YWHAG: variants seen among roughly 807,000 people sequenced by gnomAD.
YWHAG encodes the protein tyrosine 3-monooxygenase/tryptophan 5-monooxygenase activation protein gamma.
In YWHAG, 1 loss-of-function variant was observed where a neutral mutation model predicts 23.3. The ratio of observed to expected loss-of-function variants is 0.04; its 90% CI spans 0.02 to 0.20. The LOEUF (loss-of-function observed/expected upper bound fraction) is 0.20. Ranked by LOEUF, YWHAG falls within the 10% of genes least tolerant of loss-of-function variation. The pLI is 1.00. For missense variants in YWHAG, 151 were observed against 338.6 expected (o/e 0.45, Z 4.35); for synonymous variants, 160 against 144.0 (o/e 1.11, Z -0.80).
chr7:76,358,555 G>A (rs577743804), intron 1 of YWHAG, among the ~76,000 whole-genome samples, 167 bp downstream of exon 1: 1 of 152,326 alleles, frequency 6.6e-6, no homozygotes, highest in East Asian at 1.9e-4. Flanking sequence ...CCGCGTCACA[G>A]CCCGGGTTCC....
At chr7:76,330,751 A>G (rs1232770485) in intron 1 of YWHAG, among the ~76,000 whole-genome samples, 1 of 152,230 alleles carries the variant, frequency 6.6e-6, no homozygotes, top group Non-Finnish European at 1.5e-5. Flanking sequence ...CATAGGATTG[A>G]GTCTGATCGC....
At chr7:76,353,771 T>A (rs1163289355) in intron 1 of YWHAG, among the ~76,000 whole-genome samples, 7 of 152,102 alleles carry the variant, frequency 4.6e-5, no homozygotes. Flanking sequence ...TTTAGCTGCA[T>A]TATAATTATA....
In YWHAG at chr7:76,329,571, G is replaced by A. The variant is rs1803511254; in HGVS notation, c.*6C>T. The A allele has an allele frequency of 1.9e-6, 3 of 1,599,348 alleles. No homozygotes were observed. Among genetic ancestry groups the A allele is most frequent in the Non-Finnish European group, 2.6e-6 (3 of 1,170,290 alleles). ...ATCCGCGTGCGCTGCCAGTTCCCCTGGGGCCTTAATTGTTGCCTTCGCCGC... is the reference window on the plus strand; with the variant it reads ...ATCCGCGTGCGCTGCCAGTTCCCCTAGGGCCTTAATTGTTGCCTTCGCCGC... On this transcript the variant is annotated 3_prime_UTR_variant, in exon 2 of 2. Transcript: ENST00000307630. This position sits in a 1 kb window ranked among gnomAD's most constrained non-coding sequence, Gnocchi z 6.1.
chr7:76,351,294 T>A (rs952160946), intron 1 of YWHAG, among the ~76,000 whole-genome samples: 1 of 152,146 alleles, frequency 6.6e-6, no homozygotes, highest in Non-Finnish European at 1.5e-5. Flanking sequence ...CCTTCCCTAC[T>A]CCCTTGTCCC....
At chr7:76,340,109 CACAT>C (rs901696202) in intron 1 of YWHAG, among the ~76,000 whole-genome samples, 3 of 151,960 alleles carry the variant, frequency 2.0e-5, no homozygotes, top group Non-Finnish European at 4.4e-5. Flanking sequence ...ACAAAACACA[CACAT>C]ACACACACAA....
intron 1 of YWHAG, among the ~76,000 whole-genome samples, chr7:76,354,968 G>GC (rs1428870216): frequency 1.3e-5 from 2 of 152,164 alleles, no homozygotes; most frequent in African/African-American, 4.8e-5. Context: ...CAGTTCAGAC[G>GC]CTTGGAAATG....
intron 1 of YWHAG, among the ~76,000 whole-genome samples, chr7:76,340,510 T>C (rs1406545783): frequency 1.3e-5 from 2 of 152,240 alleles, no homozygotes; most frequent in Admixed American, 6.5e-5. Context: ...TAAACTTTTG[T>C]GATCAGAAAT....
intron 1 of YWHAG, among the ~76,000 whole-genome samples, chr7:76,356,278 AC>A (rs1276766232): frequency 2.0e-5 from 3 of 152,196 alleles, no homozygotes; most frequent in Admixed American, 2.0e-4. Flanking sequence ...AATCCGCACA[AC>A]TTTTTCAAGT....
In YWHAG at chr7:76,327,671, C is replaced by A; in HGVS notation, c.*1906G>T. The A allele has an allele frequency of 2.2e-5, 1 of 45,658 alleles. No individual in the cohort carries two copies. The highest frequency in any genetic ancestry group is 1.3e-3 in the South Asian group (1 of 752). The allele number at this position is 45,658 out of a possible 1,614,324, so 2.8% of individuals were successfully genotyped here. A position where few individuals can be genotyped will look rare whatever the true frequency, so the allele number is the denominator to read the frequency against. ...TAGGGAAAGCCCCACCTACCCTGCC[C>A]CCCCCCCCCTCCCCCCCCAAATCGT... is the stretch of plus-strand genomic sequence containing the variant. On this transcript the variant is annotated 3_prime_UTR_variant, in exon 2 of 2. Coordinates refer to ENST00000307630, the MANE Select transcript of YWHAG (RefSeq NM_012479.4).
At chr7:76,340,032 T>G (rs1160805048) in intron 1 of YWHAG, among the ~76,000 whole-genome samples, 2 of 152,138 alleles carry the variant, frequency 1.3e-5, no homozygotes, top group African/African-American at 4.8e-5. Context: ...GACATTGCAG[T>G]GAGCCAAGAT....
rs1803843622 is a variant in YWHAG, at chr7:76,349,575, T to C, written c.87+9147A>G. ...CAGCAAGTGTTTTTGAGAATCTACA[T>C]GCCACAGCTCCAAATAATGTTGGTA... On this transcript the variant is annotated intron_variant, in intron 1 of 1. Coordinates refer to ENST00000307630, the MANE Select transcript of YWHAG (RefSeq NM_012479.4). Among the ~76,000 whole-genome samples, 3 of 152,300 alleles carry C rather than the reference T, an allele frequency of 2.0e-5. No homozygotes were observed. In the South Asian group the frequency reaches 6.2e-4, roughly 32 times the overall value.
intron 1 of YWHAG, among the ~76,000 whole-genome samples, chr7:76,355,973 CTT>C (rs1803949772): frequency 1.3e-5 from 2 of 152,314 alleles, no homozygotes; most frequent in Admixed American, 1.3e-4. Flanking sequence ...TAACATTCCT[CTT>C]TCCTTCTTTT....
chr7:76,349,171 T>C (rs1025436357), intron 1 of YWHAG, among the ~76,000 whole-genome samples: 1 of 151,688 alleles, frequency 6.6e-6, no homozygotes, highest in Non-Finnish European at 1.5e-5. Flanking sequence ...TGAAACCTCA[T>C]CTCTACTAAA....
chr7:76,358,611 G>A lies in YWHAG; in HGVS notation c.87+111C>T, dbSNP rs1315106124. 8 of 1,092,262 alleles carry A rather than the reference G, an allele frequency of 7.3e-6. No homozygotes were observed. The Admixed American group carries it at 1.3e-4, about 18-fold the overall frequency. The allele number at this position is 1,092,262 out of a possible 1,614,324, so 67.7% of individuals were successfully genotyped here. A position where few individuals can be genotyped will look rare whatever the true frequency, so the allele number is the denominator to read the frequency against. Reference sequence around the variant, plus strand: ...CCCAGCCCCCCTCAGTGAGCGAGACGGGGCGGTCAACCCGCCATCGCGACA... The same window carrying A: ...CCCAGCCCCCCTCAGTGAGCGAGACAGGGCGGTCAACCCGCCATCGCGACA... On this transcript the variant is annotated intron_variant, in intron 1 of 1. Coordinates refer to ENST00000307630, the MANE Select transcript of YWHAG (RefSeq NM_012479.4).
intron 1 of YWHAG, among the ~76,000 whole-genome samples, chr7:76,349,743 T>A (rs1438358285): frequency 2.0e-5 from 3 of 152,088 alleles, no homozygotes; most frequent in Admixed American, 2.0e-4. Context: ...CAGCAAACGA[T>A]GAAAAACAAA....
chr7:76,337,499 T>C (rs1230415611), intron 1 of YWHAG, among the ~76,000 whole-genome samples: 1 of 151,940 alleles, frequency 6.6e-6, no homozygotes, highest in East Asian at 1.9e-4. Context: ...CCTGGCTTCC[T>C]CTGATTTTCA....
intron 1 of YWHAG, among the ~76,000 whole-genome samples, chr7:76,331,284 TGGGGA>T (rs1803537396): frequency 1.4e-5 from 1 of 73,220 alleles, no homozygotes; most frequent in Non-Finnish European, 2.4e-5. Context: ...TGGCTGGGGA[TGGGGA>T]GAGGAGAGGA....
chr7:76,352,056 C>A (rs993507439), intron 1 of YWHAG, among the ~76,000 whole-genome samples: 1 of 152,166 alleles, frequency 6.6e-6, no homozygotes, highest in African/African-American at 2.4e-5. Flanking sequence ...CTATGCTGCA[C>A]CTCCACTGCA....
At chr7:76,341,212 G>T (rs1040335748) in intron 1 of YWHAG, among the ~76,000 whole-genome samples, 1 of 152,012 alleles carries the variant, frequency 6.6e-6, no homozygotes, top group African/African-American at 2.4e-5. Context: ...GGGCAACATG[G>T]TGAAACCCCA....
Sources: allele counts gnomAD v4.1 joint callset (sites outside exome capture counted in the v4.1 genomes callset), GRCh38; gene constraint gnomAD v4.1.1; non-coding constraint Gnocchi (gnomAD v3.1); transcripts MANE v1.5; gene names NCBI Gene and HGNC (gene_info 2026-07-23, HGNC 2026-07-21).